Variants in RUNX2 observed in about 807,000 individuals in gnomAD.
RUNX2 encodes RUNX family transcription factor 2, also known as runt-related transcription factor 2.
A neutral mutation model predicts 51.7 loss-of-function variants in RUNX2; 10 were observed. The ratio of observed to expected loss-of-function variants is 0.19; its 90% CI spans 0.12 to 0.33. The LOEUF (loss-of-function observed/expected upper bound fraction) is 0.33. RUNX2 is among the 10% of genes least tolerant of loss of function. RUNX2 has a pLI of 1.00. For synonymous variants in RUNX2, 276 were observed against 273.6 expected, an observed-to-expected ratio of 1.01 and a Z score of -0.09; for missense variants, 562 against 691.3, an observed-to-expected ratio of 0.81 and a Z score of 2.10.
chr6:45,392,696 T>C (rs77329398), intron 2 of RUNX2, among the ~76,000 whole-genome samples: 13,451 of 128,624 alleles, frequency 0.1, 774 homozygotes, highest in South Asian at 0.24. Flanking sequence ...ACCTAGAAAA[T>C]GCCTAGATCT....
At chr6:45,373,941 C>G (rs1796437261) in intron 2 of RUNX2, among the ~76,000 whole-genome samples, 1 of 152,168 alleles carries the variant, frequency 6.6e-6, no homozygotes, top group Admixed American at 6.5e-5. Flanking sequence ...AAAATTTACA[C>G]AACAATTTTT....
chr6:45,456,694 T>C (rs1342540537), intron 5 of RUNX2, among the ~76,000 whole-genome samples: 1 of 152,238 alleles, frequency 6.6e-6, no homozygotes, highest in Non-Finnish European at 1.5e-5. Flanking sequence ...GAGTGGCTTA[T>C]GTATACCTTA....
intron 7 of RUNX2, among the ~76,000 whole-genome samples, chr6:45,531,168 C>T (rs1399061724): frequency 1.3e-5 from 2 of 152,120 alleles, no homozygotes; most frequent in South Asian, 2.1e-4. Context: ...CCCTACTCTG[C>T]GTTGCTGTAG....
intron 2 of RUNX2, among the ~76,000 whole-genome samples, chr6:45,348,836 T>C (rs1005257410): frequency 6.6e-6 from 1 of 152,198 alleles, no homozygotes; most frequent in African/African-American, 2.4e-5. Context: ...CGATCCTTCA[T>C]GTTTCAGCTT....
At chr6:45,456,265 G>T (rs1259765383) in intron 5 of RUNX2, among the ~76,000 whole-genome samples, 1 of 151,778 alleles carries the variant, frequency 6.6e-6, no homozygotes, top group Non-Finnish European at 1.5e-5. Context: ...ATACATTTTT[G>T]CATTTTCTAA....
At chr6:45,395,856 G>A (rs1317344836) in intron 2 of RUNX2, among the ~76,000 whole-genome samples, 3 of 152,088 alleles carry the variant, frequency 2.0e-5, no homozygotes, top group African/African-American at 4.8e-5. Context: ...TAGTAGAGAC[G>A]GATTTCACCA....
At chr6:45,336,797 A>C (rs994611361) in intron 2 of RUNX2, among the ~76,000 whole-genome samples, 1 of 151,524 alleles carries the variant, frequency 6.6e-6, no homozygotes, top group South Asian at 2.1e-4. Flanking sequence ...TTAATAATAC[A>C]TGTAACTCAA....
At chr6:45,541,822 A>G (rs1241482296) in intron 7 of RUNX2, among the ~76,000 whole-genome samples, 1 of 152,216 alleles carries the variant, frequency 6.6e-6, no homozygotes, top group East Asian at 1.9e-4. Flanking sequence ...CCCAATGGCA[A>G]GTACCCGGTC....
At chr6:45,496,894 A>G (rs1800665030) in intron 6 of RUNX2, among the ~76,000 whole-genome samples, 3 of 150,818 alleles carry the variant, frequency 2.0e-5, no homozygotes, top group African/African-American at 7.4e-5. Flanking sequence ...GATTCTGAAT[A>G]CTCTCTTTTT....
chr6:45,422,780 GGCT>G lies in RUNX2; in HGVS notation c.249_251del (p.Ala89del). 1 of 1,398,528 alleles carries G rather than the reference GGCT, an allele frequency of 7.2e-7. No individual in the cohort carries two copies. The highest frequency in any genetic ancestry group is 9.5e-7 in the Non-Finnish European group (1 of 1,055,244). The allele number at this position is 1,398,528 out of a possible 1,614,324, so 86.6% of individuals were successfully genotyped here. A position where few individuals can be genotyped will look rare whatever the true frequency, so the allele number is the denominator to read the frequency against. On this transcript the variant is annotated inframe_deletion, in exon 3 of 9. Coordinates refer to ENST00000647337, the MANE Select transcript of RUNX2 (RefSeq NM_001024630.4). ...CGGCGGCGGCTGCGGCGGCGGCGGC[GGCT>G]GCGGCGGCGGCAGCTGCAGTGCCCC...
At chr6:45,367,195 G>A (rs1332154527) in intron 2 of RUNX2, among the ~76,000 whole-genome samples, 1 of 152,074 alleles carries the variant, frequency 6.6e-6, no homozygotes, top group East Asian at 1.9e-4. Flanking sequence ...TATCCCTCTG[G>A]TCTAGTCTGA....
rs200760951 is a variant in RUNX2 at position 45,358,119 on chromosome 6, T to C, written c.58+29335T>C. 7.4e-5 allele frequency among the ~76,000 whole-genome samples: 11 copies of C among 149,572 alleles called. No homozygotes were observed. The East Asian group carries it at 2.1e-3, about 29-fold the overall frequency. On this transcript the variant is annotated intron_variant, in intron 2 of 8. Coordinates refer to ENST00000647337, the MANE Select transcript of RUNX2 (RefSeq NM_001024630.4). Reference sequence around the variant, plus strand: ...ACAGGAAAAAAGTAATCAATGACCGTGTTAAAATCAAATATAAAAACAGGT... The same window carrying C: ...ACAGGAAAAAAGTAATCAATGACCGCGTTAAAATCAAATATAAAAACAGGT...
intron 2 of RUNX2, among the ~76,000 whole-genome samples, chr6:45,393,927 C>CTTTTT (rs758226180): frequency 7.2e-6 from 1 of 139,798 alleles, no homozygotes; most frequent in Admixed American, 7.2e-5. Flanking sequence ...GTGCCACTTT[C>CTTTTT]TTTTTTTTTT....
intron 5 of RUNX2, among the ~76,000 whole-genome samples, chr6:45,461,628 C>T (rs1443803302): frequency 6.6e-6 from 1 of 152,038 alleles, no homozygotes; most frequent in Non-Finnish European, 1.5e-5. Context: ...TACTATGTAC[C>T]ATTGCTGTTC....
chr6:45,368,311 G>T (rs1029271525), intron 2 of RUNX2, among the ~76,000 whole-genome samples: 1 of 152,096 alleles, frequency 6.6e-6, no homozygotes, highest in African/African-American at 2.4e-5. Flanking sequence ...TGATCATTAA[G>T]CTAATAGCTA....
intron 2 of RUNX2, among the ~76,000 whole-genome samples, chr6:45,372,336 T>C (rs112086400): frequency 0.029 from 4,483 of 152,284 alleles, 93 homozygotes; most frequent in Non-Finnish European, 0.047. Context: ...TTCATGCTGA[T>C]GATGATGATT....
intron 7 of RUNX2, among the ~76,000 whole-genome samples, chr6:45,519,768 A>G (rs1254631727): frequency 2.1e-5 from 3 of 145,986 alleles, no homozygotes; most frequent in Non-Finnish European, 4.5e-5. Flanking sequence ...CATTGGAAGG[A>G]TGCTATTATA....
intron 7 of RUNX2, among the ~76,000 whole-genome samples, chr6:45,520,364 CATAG>C (rs1253134808): frequency 6.6e-6 from 1 of 152,088 alleles, no homozygotes; most frequent in Non-Finnish European, 1.5e-5. Flanking sequence ...TAATCTTGCC[CATAG>C]ATAAATTCCT....
intron 2 of RUNX2, among the ~76,000 whole-genome samples, chr6:45,400,043 A>G (rs529408168): frequency 2.0e-3 from 228 of 111,460 alleles, no homozygotes; most frequent in African/African-American, 6.5e-3. Flanking sequence ...GGAAGGAAAG[A>G]AGGAAAGGAG....
Sources: allele counts gnomAD v4.1 joint callset (sites outside exome capture counted in the v4.1 genomes callset), GRCh38; gene constraint gnomAD v4.1.1; transcripts MANE v1.5; gene names NCBI Gene and HGNC (gene_info 2026-07-23, HGNC 2026-07-21).